Variants in SLC9A9 observed in about 807,000 individuals in gnomAD.
The protein encoded by SLC9A9 is solute carrier family 9 member A9.
Under a neutral mutation model 77.8 loss-of-function variants are expected in SLC9A9, and 62 were observed. The observed-to-expected ratio is 0.80, with a 90% CI of 0.65 to 0.98. The LOEUF is 0.98. Ranked by LOEUF, SLC9A9 falls within the 50% of genes least tolerant of loss-of-function variation. SLC9A9 has a pLI of 0.00. For synonymous variants in SLC9A9, 320 were observed against 283.5 expected (o/e 1.13, Z -1.29); for missense variants, 775 against 774.9 (o/e 1.00, Z 0.00).
intron 4 of SLC9A9, among the ~76,000 whole-genome samples, chr3:143,739,959 A>T (rs1490463020): frequency 6.6e-6 from 1 of 152,192 alleles, no homozygotes; most frequent in Non-Finnish European, 1.5e-5. Flanking sequence ...ATGTTGAGAT[A>T]TTTTGGTCCT....
chr3:143,509,936 C>T (rs921310254), intron 9 of SLC9A9, among the ~76,000 whole-genome samples: 1 of 152,182 alleles, frequency 6.6e-6, no homozygotes, highest in African/African-American at 2.4e-5. Flanking sequence ...GTAAGTTGCT[C>T]TCCAGTGTGC....
chr3:143,398,603 T>TA lies in SLC9A9; in HGVS notation c.1470-16490dup, dbSNP rs770723210. The stretch of plus-strand genomic sequence containing the variant: ...AAAAGAGATTTATAACCCTTTTCTT[T>TA]ATATTAACCATTAAAAAGCACTTGC... On this transcript the variant is annotated intron_variant, in intron 12 of 15. Transcript: ENST00000316549. 5.3e-5 allele frequency among the ~76,000 whole-genome samples: 8 copies of TA among 152,310 alleles called. No homozygotes were observed. In the South Asian group the frequency reaches 1.0e-3, roughly 20 times the overall value.
chr3:143,338,320 C>T (rs529702787), intron 14 of SLC9A9, among the ~76,000 whole-genome samples: 7 of 152,152 alleles, frequency 4.6e-5, no homozygotes, highest in Non-Finnish European at 7.3e-5. Context: ...AAGAGAAGGA[C>T]ATTGTAAATA....
At chr3:143,847,593 C>T (rs1193662275) in intron 1 of SLC9A9, 1 of 153,814 alleles carries the variant, frequency 6.5e-6, no homozygotes, top group Admixed American at 6.4e-5. Flanking sequence ...AAGAAACTCT[C>T]GTTTATTTAT....
intron 4 of SLC9A9, among the ~76,000 whole-genome samples, chr3:143,733,751 T>G (rs1045170792): frequency 6.6e-6 from 1 of 151,966 alleles, no homozygotes; most frequent in Non-Finnish European, 1.5e-5. Context: ...GTATCCAGGA[T>G]GTAGATCTAG....
chr3:143,414,503 G>A (rs527302915), intron 12 of SLC9A9, among the ~76,000 whole-genome samples: 1 of 152,124 alleles, frequency 6.6e-6, no homozygotes, highest in African/African-American at 2.4e-5. Flanking sequence ...TTACACTTTG[G>A]TGTTTTAGAG....
intron 6 of SLC9A9, among the ~76,000 whole-genome samples, chr3:143,592,925 CAGGCCT>C: frequency 6.6e-6 from 1 of 152,194 alleles, no homozygotes; most frequent in East Asian, 1.9e-4. Context: ...ACAGGAGAAA[CAGGCCT>C]ATGCTCCCTG....
intron 13 of SLC9A9, among the ~76,000 whole-genome samples, chr3:143,374,208 G>A (rs112011930): frequency 0.023 from 3,422 of 151,968 alleles, 155 homozygotes; most frequent in African/African-American, 0.078. Flanking sequence ...GGCGGATCAC[G>A]AGGTCAGGAG....
intron 13 of SLC9A9, among the ~76,000 whole-genome samples, chr3:143,375,075 T>G: frequency 6.6e-6 from 1 of 152,188 alleles, no homozygotes; most frequent in Middle Eastern, 3.4e-3. Flanking sequence ...TACTGAGCTA[T>G]GCCAACTGGA....
intron 4 of SLC9A9, among the ~76,000 whole-genome samples, chr3:143,718,432 A>G (rs528662382): frequency 1.3e-5 from 2 of 152,346 alleles, no homozygotes; most frequent in Admixed American, 1.3e-4. Context: ...TCCTCACAGA[A>G]AGAACATTTC....
At chr3:143,578,464 T>C (rs2108662789) in intron 7 of SLC9A9, 121 bp downstream of exon 7, 3 of 1,472,110 alleles carry the variant, frequency 2.0e-6, no homozygotes, top group South Asian at 2.4e-5. Context: ...TGGTGCCGTA[T>C]GAAACTTGGA....
intron 2 of SLC9A9, among the ~76,000 whole-genome samples, chr3:143,808,762 A>G (rs1369870609): frequency 3.3e-5 from 5 of 152,154 alleles, no homozygotes; most frequent in Admixed American, 1.3e-4. Flanking sequence ...TCTCATCTTT[A>G]CAATGGACAT....
intron 5 of SLC9A9, among the ~76,000 whole-genome samples, chr3:143,681,977 C>CA (rs762389167): frequency 6.6e-5 from 10 of 152,172 alleles, no homozygotes; most frequent in Non-Finnish European, 1.3e-4. Flanking sequence ...CAGATTTCCA[C>CA]AACCCAAACC....
chr3:143,787,765 T>G (rs779159204), intron 4 of SLC9A9, among the ~76,000 whole-genome samples: 9 of 152,060 alleles, frequency 5.9e-5, no homozygotes, highest in Non-Finnish European at 1.2e-4. Context: ...GTCTCCTTAG[T>G]GCTCATATGT....
At chr3:143,708,103 T>C (rs1372811088) in intron 4 of SLC9A9, among the ~76,000 whole-genome samples, 4 of 152,140 alleles carry the variant, frequency 2.6e-5, no homozygotes, top group Admixed American at 1.3e-4. Context: ...GAGTATGGAA[T>C]GGGCATAAAT....
intron 14 of SLC9A9, among the ~76,000 whole-genome samples, chr3:143,335,452 T>C (rs75594920): frequency 0.019 from 2,892 of 152,270 alleles, 59 homozygotes; most frequent in African/African-American, 0.056. Flanking sequence ...CAAGGAAACC[T>C]GAATATCAAA....
intron 6 of SLC9A9, among the ~76,000 whole-genome samples, chr3:143,615,749 T>C (rs1189492801): frequency 2.6e-5 from 4 of 152,000 alleles, no homozygotes; most frequent in African/African-American, 9.7e-5. Context: ...CTGCAGGAGG[T>C]ATATATGATT....
At chr3:143,494,830 T>G (rs2035806282) in intron 10 of SLC9A9, among the ~76,000 whole-genome samples, 1 of 152,244 alleles carries the variant, frequency 6.6e-6, no homozygotes, top group African/African-American at 2.4e-5. Context: ...ATTTGAACAA[T>G]GCTTATGATG....
chr3:143,727,124 T>G (rs890543487), intron 4 of SLC9A9, among the ~76,000 whole-genome samples: 2 of 152,276 alleles, frequency 1.3e-5, no homozygotes, highest in Non-Finnish European at 2.9e-5. Flanking sequence ...GAGAACAAAC[T>G]TATAATTAAC....
Sources: gnomAD v4.1 joint callset for allele counts (sites outside exome capture counted in the v4.1 genomes callset) on GRCh38, gnomAD v4.1.1 for gene constraint, MANE v1.5 for transcripts, NCBI Gene and HGNC (gene_info 2026-07-23, HGNC 2026-07-21) for gene names.